The following CDH4 variants were observed in gnomAD, a reference collection of about 807,000 sequenced individuals.
The protein encoded by CDH4 is cadherin 4.
CDH4 carries 33 observed loss-of-function variants against 86.0 expected under a neutral mutation model. The observed-to-expected ratio is 0.38, with a 90% CI of 0.29 to 0.51. The LOEUF is 0.51. Ranked by LOEUF, CDH4 falls within the 20% of genes least tolerant of loss-of-function variation. CDH4 has a pLI of 0.86. For synonymous variants in CDH4, 555 were observed against 549.4 expected (o/e 1.01, Z -0.14); for missense variants, 1,114 against 1,307.4 (o/e 0.85, Z 2.28).
Position 61,852,906 on chromosome 20 carries a change from C to T in CDH4, c.877+8C>T. The stretch of plus-strand genomic sequence containing the variant: ...ACGAGGGCTCCAAGCCAGGTGAGGC[C>T]TTTAGCGTTTGCTTGCTGGAGACCC... On this transcript the variant is annotated splice_region_variant and intron_variant, in intron 6 of 15. Coordinates refer to ENST00000614565, the MANE Select transcript of CDH4 (RefSeq NM_001794.5). 6.2e-7 allele frequency: 1 copy of T among 1,613,440 alleles called. No homozygotes were observed. Among genetic ancestry groups the T allele is most frequent in the Middle Eastern group, 1.7e-4 (1 of 6,054 alleles).
At chr20:61,308,138 C>A (rs1007113773) in intron 2 of CDH4, among the ~76,000 whole-genome samples, 1 of 152,154 alleles carries the variant, frequency 6.6e-6, no homozygotes, top group Non-Finnish European at 1.5e-5. Context: ...GCCCAGGGGG[C>A]GGGGGCATGC....
intron 2 of CDH4, among the ~76,000 whole-genome samples, chr20:61,410,461 C>T (rs398040662): frequency 3.8e-4 from 35 of 92,270 alleles, no homozygotes; most frequent in Middle Eastern, 0.012. Flanking sequence ...ATCCATCCAT[C>T]CATCCATCCT....
chr20:61,366,893 C>T (rs948299055), intron 2 of CDH4, among the ~76,000 whole-genome samples: 26 of 152,192 alleles, frequency 1.7e-4, no homozygotes, highest in African/African-American at 5.1e-4. Flanking sequence ...GGAAGAAAAA[C>T]GGTAAAGGAA....
chr20:61,838,261 G>A (rs758805651), intron 4 of CDH4, among the ~76,000 whole-genome samples: 11 of 152,108 alleles, frequency 7.2e-5, no homozygotes, highest in Non-Finnish European at 1.0e-4. Flanking sequence ...CTGGGGACTG[G>A]CAGCCCCGTG....
intron 2 of CDH4, among the ~76,000 whole-genome samples, chr20:61,311,647 T>C (rs1399145912): frequency 6.6e-6 from 1 of 152,260 alleles, no homozygotes; most frequent in Admixed American, 6.5e-5. Context: ...TTCTTTTAAT[T>C]GGTTTACTCA....
intron 6 of CDH4, among the ~76,000 whole-genome samples, chr20:61,855,899 G>T (rs1221211219): frequency 6.6e-6 from 1 of 152,196 alleles, no homozygotes; most frequent in Non-Finnish European, 1.5e-5. Flanking sequence ...GCCCCTGGGG[G>T]ATCGGGAGTC....
intron 4 of CDH4, among the ~76,000 whole-genome samples, chr20:61,815,913 G>A (rs926304811): frequency 1.3e-5 from 2 of 152,180 alleles, no homozygotes; most frequent in African/African-American, 2.4e-5. Context: ...CAATGCCCGC[G>A]TTCATTTGTT....
At chr20:61,846,361 G>A (rs928958183) in intron 5 of CDH4, among the ~76,000 whole-genome samples, 5 of 152,248 alleles carry the variant, frequency 3.3e-5, no homozygotes, top group African/African-American at 1.2e-4. Context: ...TGCAGCAAGA[G>A]ACAGGCCCTC....
intron 2 of CDH4, chr20:61,570,286 ATTCAGAAAGAAAATC>A (rs1213711046): frequency 8.2e-5 from 18 of 218,186 alleles, no homozygotes; most frequent in African/African-American, 4.0e-4. Context: ...CTTACTTAAA[ATTCAGAAAGAAAATC>A]TTCAGGTGCC....
chr20:61,690,771 T>G (rs1295065671), intron 2 of CDH4, among the ~76,000 whole-genome samples: 1 of 152,036 alleles, frequency 6.6e-6, no homozygotes, highest in African/African-American at 2.4e-5. Context: ...GAGTCCTCAT[T>G]GGGGAGTTTG....
At chr20:61,301,499 G>C (rs1247070537) in intron 2 of CDH4, among the ~76,000 whole-genome samples, 2 of 152,174 alleles carry the variant, frequency 1.3e-5, no homozygotes, top group African/African-American at 4.8e-5. Context: ...GAGGCCTCTT[G>C]CCTTGGTCAT....
chr20:61,353,161 G>C (rs2084723374), intron 2 of CDH4, among the ~76,000 whole-genome samples: 1 of 152,126 alleles, frequency 6.6e-6, no homozygotes, highest in Non-Finnish European at 1.5e-5. Flanking sequence ...TGTGTCTCAG[G>C]TTTCCACCTG....
chr20:61,393,036 CG>C lies in CDH4; in HGVS notation c.169+138103del, dbSNP rs1460238801. On this transcript the variant is annotated intron_variant, in intron 2 of 15. Transcript: ENST00000614565. This position sits in a 1 kb window ranked among gnomAD's most constrained non-coding sequence, Gnocchi z 4.3. ...AGAAAACGTGAGGACAGAGCAGCTG[CG>C]GGGCCCCTCGGTGATCAGGGCCGTT... 6.6e-6 allele frequency among the ~76,000 whole-genome samples: 1 copy of C among 152,130 alleles called. No individual in the cohort carries two copies. The highest frequency in any genetic ancestry group is 6.6e-5 in the Admixed American group (1 of 15,264).
chr20:61,646,726 T>A (rs546273032), intron 2 of CDH4, among the ~76,000 whole-genome samples: 156 of 152,322 alleles, frequency 1.0e-3, no homozygotes, highest in African/African-American at 3.6e-3. Context: ...CCCAGACACA[T>A]CAGCCTCCAG....
At chr20:61,819,243 C>T (rs1418034491) in intron 4 of CDH4, among the ~76,000 whole-genome samples, 1 of 152,220 alleles carries the variant, frequency 6.6e-6, no homozygotes, top group Non-Finnish European at 1.5e-5. Context: ...CACGAGAGTG[C>T]ATCAGAAGCC....
intron 2 of CDH4, among the ~76,000 whole-genome samples, chr20:61,430,638 A>C (rs2085241325): frequency 6.6e-6 from 1 of 152,174 alleles, no homozygotes; most frequent in South Asian, 2.1e-4. Flanking sequence ...AAGGAAGGAA[A>C]CAATCCCAGC....
At chr20:61,566,629 G>A (rs755070229) in intron 2 of CDH4, among the ~76,000 whole-genome samples, 2 of 152,094 alleles carry the variant, frequency 1.3e-5, no homozygotes, top group Non-Finnish European at 2.9e-5. Flanking sequence ...CCGAGGACCC[G>A]TCAGTGCCCA....
intron 2 of CDH4, among the ~76,000 whole-genome samples, chr20:61,589,523 C>T (rs2086502022): frequency 6.6e-6 from 1 of 152,086 alleles, no homozygotes; most frequent in African/African-American, 2.4e-5. Flanking sequence ...CACATAATTC[C>T]ACAAGTGGCA....
At chr20:61,541,168 GAACT>G (rs2086036683) in intron 2 of CDH4, among the ~76,000 whole-genome samples, 1 of 152,176 alleles carries the variant, frequency 6.6e-6, no homozygotes, top group Non-Finnish European at 1.5e-5. Flanking sequence ...ATTGATTCCA[GAACT>G]ATCTGCCCAG....
Sources: gnomAD v4.1 joint callset for allele counts (sites outside exome capture counted in the v4.1 genomes callset) on GRCh38, gnomAD v4.1.1 for gene constraint, Gnocchi (gnomAD v3.1) non-coding constraint, MANE v1.5 for transcripts, NCBI Gene and HGNC (gene_info 2026-07-23, HGNC 2026-07-21) for gene names.